Variants in SAMMSON observed in about 807,000 individuals in gnomAD.
SAMMSON encodes long intergenic non-protein coding RNA 1212.
chr3:70,305,323 G>A (rs901291420), intron 7 of SAMMSON, among the ~76,000 whole-genome samples: 1 of 151,960 alleles, frequency 6.6e-6, no homozygotes. Flanking sequence ...ACTTTCATGA[G>A]TTAATGAAAA....
chr3:70,054,910 G>A (rs2067161534), intron 3 of SAMMSON, among the ~76,000 whole-genome samples: 1 of 152,084 alleles, frequency 6.6e-6, no homozygotes, highest in African/African-American at 2.4e-5. Context: ...ACTTCTGGCT[G>A]AAATATCTTG....
In SAMMSON at chr3:70,192,901, C is replaced by G. The variant is rs572458827; in HGVS notation, n.508-56206C>G. On this transcript the variant is annotated intron_variant and non_coding_transcript_variant, in intron 4 of 9. Coordinates refer to ENST00000642114, the Ensembl canonical transcript of SAMMSON. ...ACTGACAGAATGCTTCAGAAAAATG[C>G]TGTTGACATTTAGATATTTGTTGGT... 1.1e-4 allele frequency among the ~76,000 whole-genome samples: 17 copies of G among 152,248 alleles called. No individual in the cohort carries two copies. The South Asian group carries it at 3.5e-3, about 32-fold the overall frequency.
chr3:70,257,746 T>A (rs993038394), intron 6 of SAMMSON, among the ~76,000 whole-genome samples: 12 of 152,174 alleles, frequency 7.9e-5, no homozygotes, highest in African/African-American at 2.9e-4. Context: ...GCCAAATGAC[T>A]TATGTATTCA....
intron 4 of SAMMSON, among the ~76,000 whole-genome samples, chr3:70,155,233 A>T (rs1398927731): frequency 1.3e-5 from 2 of 151,918 alleles, no homozygotes; most frequent in African/African-American, 4.8e-5. Context: ...TTGGGTATTG[A>T]CATCACGACT....
chr3:70,152,298 A>G (rs2067575043), intron 4 of SAMMSON, among the ~76,000 whole-genome samples: 1 of 152,042 alleles, frequency 6.6e-6, no homozygotes, highest in African/African-American at 2.4e-5. Context: ...CCCTAAAAGT[A>G]TGAATAGGTG....
intron 3 of SAMMSON, among the ~76,000 whole-genome samples, chr3:70,021,244 G>A (rs2067012229): frequency 6.6e-6 from 1 of 152,036 alleles, no homozygotes; most frequent in Non-Finnish European, 1.5e-5. Flanking sequence ...CATAATTAGT[G>A]TAATGAGTTC....
At chr3:70,026,787 T>C (rs2067041283) in intron 3 of SAMMSON, among the ~76,000 whole-genome samples, 1 of 152,204 alleles carries the variant, frequency 6.6e-6, no homozygotes, top group African/African-American at 2.4e-5. Flanking sequence ...TTGGTGGAAA[T>C]ATATTAATTG....
chr3:70,289,420 G>A lies in SAMMSON; in HGVS notation n.675-1759G>A, dbSNP rs567554735. Among the ~76,000 whole-genome samples, 37 of 149,212 alleles carry A rather than the reference G, an allele frequency of 2.5e-4. No homozygotes were observed. In the East Asian group the frequency reaches 2.6e-3, roughly 10 times the overall value. On this transcript the variant is annotated intron_variant and non_coding_transcript_variant, in intron 6 of 9. Coordinates refer to ENST00000642114, the Ensembl canonical transcript of SAMMSON. Reference sequence around the variant, plus strand: ...TCTTCTGGCTTGTAGGGTTTCTGCCGAGAGATCCGCTGTTAGTCTGATGGG... The same window carrying A: ...TCTTCTGGCTTGTAGGGTTTCTGCCAAGAGATCCGCTGTTAGTCTGATGGG...
intron 4 of SAMMSON, chr3:70,126,005 G>T: frequency 2.4e-6 from 2 of 825,376 alleles, no homozygotes; most frequent in South Asian, 1.4e-5. Flanking sequence ...ATGGGAGGCT[G>T]CGCAGTAATT....
At chr3:70,108,593 G>A (rs1336213655) in intron 4 of SAMMSON, among the ~76,000 whole-genome samples, 1 of 151,794 alleles carries the variant, frequency 6.6e-6, no homozygotes, top group African/African-American at 2.4e-5. Context: ...TGTAATGAGA[G>A]TTGGAGATGG....
intron 7 of SAMMSON, among the ~76,000 whole-genome samples, chr3:70,308,424 G>T (rs538333516): frequency 4.3e-4 from 66 of 152,192 alleles, no homozygotes; most frequent in Non-Finnish European, 8.2e-4. Flanking sequence ...TCCAAGCATG[G>T]TTTTAAAATG....
At chr3:70,002,345 TA>T (rs1056276136) in intron 1 of SAMMSON, among the ~76,000 whole-genome samples, 7 of 152,120 alleles carry the variant, frequency 4.6e-5, no homozygotes, top group Non-Finnish European at 7.4e-5. Context: ...CATAACTAAT[TA>T]AAAAAATTAA....
chr3:70,097,037 G>A (rs2067325318), intron 4 of SAMMSON, among the ~76,000 whole-genome samples: 1 of 152,218 alleles, frequency 6.6e-6, no homozygotes, highest in Non-Finnish European at 1.5e-5. Flanking sequence ...TCCCCTTGCA[G>A]ATCACATATA....
intron 4 of SAMMSON, among the ~76,000 whole-genome samples, chr3:70,076,479 A>G (rs560102895): frequency 9.2e-5 from 14 of 152,280 alleles, no homozygotes; most frequent in East Asian, 5.8e-4. Context: ...GGGTGCCTCA[A>G]TGGGCCACTG....
At chr3:70,131,249 G>A (rs966277504) in intron 4 of SAMMSON, among the ~76,000 whole-genome samples, 2 of 152,166 alleles carry the variant, frequency 1.3e-5, no homozygotes, top group Admixed American at 1.3e-4. Flanking sequence ...TCTCAGGATA[G>A]CATTATTTTA....
At chr3:70,396,730 A>G (rs1024861137) in intron 2 of SAMMSON, among the ~76,000 whole-genome samples, 3 of 152,228 alleles carry the variant, frequency 2.0e-5, no homozygotes, top group African/African-American at 7.2e-5. Context: ...GCTATAAGCC[A>G]TCTTAAAATT....
intron 4 of SAMMSON, among the ~76,000 whole-genome samples, chr3:70,145,272 T>C (rs569535174): frequency 5.9e-5 from 9 of 152,254 alleles, no homozygotes; most frequent in Admixed American, 1.3e-4. Flanking sequence ...GATTTTAAAC[T>C]TCCTCTTAAA....
At chr3:70,143,776 G>A (rs1254234142) in intron 4 of SAMMSON, among the ~76,000 whole-genome samples, 5 of 152,054 alleles carry the variant, frequency 3.3e-5, no homozygotes, top group Non-Finnish European at 7.4e-5. Flanking sequence ...ATTCTTTGTT[G>A]ATTTCCCTGA....
At chr3:70,045,004 TTA>T (rs201603434) in intron 3 of SAMMSON, among the ~76,000 whole-genome samples, 5,279 of 122,162 alleles carry the variant, frequency 0.043, 167 homozygotes, top group South Asian at 0.095. Flanking sequence ...ATATAATTAA[TTA>T]TATATATATA....
Sources: allele counts gnomAD v4.1 joint callset (sites outside exome capture counted in the v4.1 genomes callset), GRCh38; gene constraint gnomAD v4.1.1; transcripts MANE v1.5; gene names NCBI Gene and HGNC (gene_info 2026-07-23, HGNC 2026-07-21).